The following SAMSN1 variants were observed in gnomAD, a reference collection of about 807,000 sequenced individuals.
The protein encoded by SAMSN1 is SAM domain-containing protein SAMSN-1.
Under a neutral mutation model 42.0 loss-of-function variants are expected in SAMSN1, and 31 were observed. The observed-to-expected ratio is 0.74, with a 90% CI of 0.55 to 1.00. SAMSN1 has a LOEUF of 1.00. Ranked by LOEUF, SAMSN1 falls within the 50% of genes least tolerant of loss-of-function variation. The pLI, the probability that SAMSN1 is intolerant of heterozygous loss-of-function variation, is 0.00. For synonymous variants in SAMSN1, 178 were observed against 151.9 expected, an observed-to-expected ratio of 1.17 and a Z score of -1.26; for missense variants, 464 against 439.4, an observed-to-expected ratio of 1.06 and a Z score of -0.50.
In SAMSN1 at chr21:14,631,580, T is replaced by G. The variant is rs929064346; in HGVS notation, c.156+11422A>C. Among the ~76,000 whole-genome samples the G allele has an allele frequency of 5.9e-5, 9 of 152,282 alleles. No homozygotes were observed. The East Asian group carries it at 1.7e-3, about 29-fold the overall frequency. ...ACAGGGTTCACCATATTGGCCAGAC[T>G]GGTCTCAAACTCCTGACTTCGTGAT... On this transcript the variant is annotated intron_variant, in intron 2 of 15. Transcript: ENST00000647101.
chr21:14,514,170 C>T (rs1987807130), intron 3 of SAMSN1, among the ~76,000 whole-genome samples: 1 of 152,222 alleles, frequency 6.6e-6, no homozygotes, highest in Non-Finnish European at 1.5e-5. Context: ...AAAGCTTTCT[C>T]AGTATTCTGC....
intron 1 of SAMSN1, among the ~76,000 whole-genome samples, chr21:14,649,455 A>G (rs1983787458): frequency 6.6e-6 from 1 of 152,092 alleles, no homozygotes; most frequent in Non-Finnish European, 1.5e-5. Context: ...AAAAGTTATG[A>G]AAAAAATAAA....
intron 3 of SAMSN1, among the ~76,000 whole-genome samples, chr21:14,615,568 T>C (rs1294162406): frequency 1.3e-5 from 2 of 152,170 alleles, no homozygotes; most frequent in Admixed American, 6.5e-5. Flanking sequence ...CTCTGGCAGC[T>C]GGATGTGCTG....
intron 2 of SAMSN1, among the ~76,000 whole-genome samples, chr21:14,635,068 A>G (rs1420985609): frequency 6.6e-6 from 1 of 152,174 alleles, no homozygotes. Context: ...ATCCTCAGCA[A>G]ACTAACACAG....
At chr21:14,507,647 A>T (rs184962003) in intron 5 of SAMSN1, among the ~76,000 whole-genome samples, 2 of 152,238 alleles carry the variant, frequency 1.3e-5, no homozygotes, top group Admixed American at 1.3e-4. Flanking sequence ...CAAATTCAAC[A>T]GATTTCCCAT....
At chr21:14,487,527 C>T (rs1807857358) in intron 7 of SAMSN1, among the ~76,000 whole-genome samples, 1 of 151,970 alleles carries the variant, frequency 6.6e-6, no homozygotes, top group Non-Finnish European at 1.5e-5. Flanking sequence ...TAGAATGGTA[C>T]TAGTTAAGCA....
chr21:14,499,765 G>T (rs1310736138), intron 6 of SAMSN1, among the ~76,000 whole-genome samples: 1 of 151,932 alleles, frequency 6.6e-6, no homozygotes, highest in African/African-American at 2.4e-5. Flanking sequence ...ATATAGGAAG[G>T]CTTAGATAGT....
chr21:14,656,773 G>T (rs931323554), intron 1 of SAMSN1, among the ~76,000 whole-genome samples: 5 of 151,648 alleles, frequency 3.3e-5, no homozygotes, highest in Non-Finnish European at 5.9e-5. Flanking sequence ...TTTACTAAAA[G>T]ATTTACAATT....
At chr21:14,605,138 A>C (rs576961490) in intron 5 of SAMSN1, among the ~76,000 whole-genome samples, 4 of 152,362 alleles carry the variant, frequency 2.6e-5, no homozygotes, top group Admixed American at 2.6e-4. Flanking sequence ...ATTTCTAATC[A>C]GCTTTTAGGT....
intron 2 of SAMSN1, among the ~76,000 whole-genome samples, chr21:14,620,758 C>T (rs950902166): frequency 2.0e-5 from 3 of 152,134 alleles, no homozygotes; most frequent in Non-Finnish European, 4.4e-5. Flanking sequence ...GTCAAACACA[C>T]TGGAGATACA....
upstream of SAMSN1, among the ~76,000 whole-genome samples, chr21:14,587,962 G>C (rs2123263540): frequency 8.2e-6 from 1 of 121,858 alleles, no homozygotes; most frequent in East Asian, 2.4e-4. Flanking sequence ...TGATCTCATT[G>C]TTCAATTCCC....
intron 2 of SAMSN1, among the ~76,000 whole-genome samples, chr21:14,562,797 G>A (rs983412819): frequency 6.6e-6 from 1 of 152,020 alleles, no homozygotes; most frequent in South Asian, 2.1e-4. Flanking sequence ...CTCCAAGTAA[G>A]ATCAATACTA....
At chr21:14,619,388 T>A (rs1982941346) in intron 2 of SAMSN1, among the ~76,000 whole-genome samples, 1 of 152,236 alleles carries the variant, frequency 6.6e-6, no homozygotes, top group Non-Finnish European at 1.5e-5. Flanking sequence ...GGTGAATTTT[T>A]AGGACTGTAG....
intron 2 of SAMSN1, among the ~76,000 whole-genome samples, chr21:14,636,651 C>T (rs532399622): frequency 6.6e-6 from 1 of 152,122 alleles, no homozygotes; most frequent in African/African-American, 2.4e-5. Context: ...GAGATTGAGA[C>T]CATCCTGGCC....
rs79035945 is a variant in SAMSN1 at position 14,636,464 on chromosome 21, C to T, written c.156+6538G>A. On this transcript the variant is annotated intron_variant, in intron 2 of 15. Coordinates refer to the SAMSN1 transcript ENST00000647101. Reference sequence around the variant, plus strand: ...ACTACTTGGGATCCAGAACTCCAGCCTAGACTCCATCTGTCACTGCAGTCA... The same window carrying T: ...ACTACTTGGGATCCAGAACTCCAGCTTAGACTCCATCTGTCACTGCAGTCA... Among the ~76,000 whole-genome samples the T allele has an allele frequency of 8.2e-3, 1,251 of 152,270 alleles. 21 individuals are homozygous for T. The highest frequency in any genetic ancestry group is 0.029 in the African/African-American group (1,194 of 41,550).
At position 14,582,536 on chromosome 21, in the gene SAMSN1, ATATAGGAATTATTCTTCCATT is replaced by A; in HGVS notation, c.-92-69_-92-49del. 1.2e-5 allele frequency: 8 copies of A among 682,220 alleles called. No homozygotes were observed. The South Asian group carries it at 1.7e-4, about 14-fold the overall frequency. 42.3% of individuals were successfully genotyped at this position (682,220 alleles called of 1,614,324 possible). ...AAAAACTATGATTATAATTCTTCACATATAGGAATTATTCTTCCATTTATATAAGAGAAATAAATACACTGC... is the reference window on the plus strand; with the variant it reads ...AAAAACTATGATTATAATTCTTCACATATATAAGAGAAATAAATACACTGC... On this transcript the variant is annotated intron_variant, in intron 1 of 8. Transcript: ENST00000285670.
chr21:14,655,316 T>C (rs1475252015), intron 1 of SAMSN1, among the ~76,000 whole-genome samples: 2 of 151,668 alleles, frequency 1.3e-5, no homozygotes, highest in Non-Finnish European at 3.0e-5. Flanking sequence ...GGTTAGAAGA[T>C]ATATTAAAAG....
intron 2 of SAMSN1, among the ~76,000 whole-genome samples, chr21:14,552,046 G>T (rs1980614507): frequency 1.3e-5 from 2 of 152,044 alleles, no homozygotes; most frequent in South Asian, 4.1e-4. Context: ...AAGAGAGTTG[G>T]TTCAATCATT....
chr21:14,494,954 GCT>G lies in SAMSN1; in HGVS notation c.919+3486_919+3487del, dbSNP rs1600858937. ...TATCCTCAAGATATGTGCCCATTTTGCTCAACTTTTATATTGCATGATTAGCA... is the reference window on the plus strand; with the variant it reads ...TATCCTCAAGATATGTGCCCATTTTGCAACTTTTATATTGCATGATTAGCA... On this transcript the variant is annotated intron_variant, in intron 7 of 7. Transcript: ENST00000400566. 2.0e-5 allele frequency among the ~76,000 whole-genome samples: 3 copies of G among 152,010 alleles called. No homozygotes were observed. In the East Asian group the frequency reaches 5.8e-4, roughly 29 times the overall value.
Sources: gnomAD v4.1 joint callset for allele counts (sites outside exome capture counted in the v4.1 genomes callset) on GRCh38, gnomAD v4.1.1 for gene constraint, MANE v1.5 for transcripts, NCBI Gene and HGNC (gene_info 2026-07-23, HGNC 2026-07-21) for gene names.